The following ATPSCKMT variants were observed in gnomAD, a reference collection of about 807,000 sequenced individuals.
The protein encoded by ATPSCKMT is ATP synthase c subunit lysine N-methyltransferase, also known as ATP synthase subunit C lysine N-methyltransferase.
Under a neutral mutation model 24.3 loss-of-function variants are expected in ATPSCKMT, and 24 were observed. The ratio of observed to expected loss-of-function variants is 0.99; its 90% CI spans 0.71 to 1.39. The LOEUF is 1.39. ATPSCKMT is among the 40% of genes most tolerant of loss of function. The probability of loss-of-function intolerance (pLI) is 0.00; values close to 1 mark genes in which losing one functional copy is unlikely to be tolerated. For synonymous variants in ATPSCKMT, 95 were observed against 110.5 expected, an observed-to-expected ratio of 0.86 and a Z score of 0.88; for missense variants, 311 against 298.4, an observed-to-expected ratio of 1.04 and a Z score of -0.31.
intron 4 of ATPSCKMT, among the ~76,000 whole-genome samples, chr5:10,228,417 G>A (rs921206261): frequency 1.8e-4 from 28 of 152,088 alleles, no homozygotes; most frequent in African/African-American, 4.8e-4. Flanking sequence ...TTATACCACC[G>A]TTGTACCATT....
intron 1 of ATPSCKMT, among the ~76,000 whole-genome samples, chr5:10,240,215 CAG>C: frequency 1.3e-5 from 2 of 148,536 alleles, no homozygotes; most frequent in Middle Eastern, 7.0e-3. Context: ...GCCGGGGTGA[CAG>C]AGCGAGACTC....
rs1743848436 is a variant in ATPSCKMT, at chr5:10,225,688, A to C, written c.*1753T>G. On this transcript the variant is annotated 3_prime_UTR_variant, in exon 5 of 5. Coordinates refer to ENST00000511437, the MANE Select transcript of ATPSCKMT (RefSeq NM_199133.4). Reference sequence around the variant, plus strand: ...AGGAAAGACCTGCCCCCATAATTCAATCACCTCCCACCAGGTCCTTCCCAC... The same window carrying C: ...AGGAAAGACCTGCCCCCATAATTCACTCACCTCCCACCAGGTCCTTCCCAC... Among the ~76,000 whole-genome samples, 1 of 152,114 alleles carries C rather than the reference A, an allele frequency of 6.6e-6. No homozygotes were observed. The highest frequency in any genetic ancestry group is 1.5e-5 in the Non-Finnish European group (1 of 68,014).
At chr5:10,236,356 G>T in intron 3 of ATPSCKMT, 122 bp downstream of exon 3, 2 of 1,209,744 alleles carry the variant, frequency 1.7e-6, no homozygotes, top group Non-Finnish European at 2.3e-6. Context: ...CATTATGCCA[G>T]AATATTCACT....
At chr5:10,244,274 AT>A (rs1478369712) in intron 1 of ATPSCKMT, among the ~76,000 whole-genome samples, 1 of 152,246 alleles carries the variant, frequency 6.6e-6, no homozygotes, top group African/African-American at 2.4e-5. Context: ...ATAGTGGAAA[AT>A]TTGAAATATT....
At position 10,245,886 on chromosome 5, in the gene ATPSCKMT, T is replaced by C. The variant is rs574109940; in HGVS notation, c.16+3972A>G. Among the ~76,000 whole-genome samples the C allele has an allele frequency of 9.2e-5, 14 of 152,306 alleles. No individual in the cohort carries two copies. The South Asian group carries it at 1.2e-3, about 14-fold the overall frequency. On this transcript the variant is annotated intron_variant, in intron 1 of 4. Coordinates refer to ENST00000511437, the MANE Select transcript of ATPSCKMT (RefSeq NM_199133.4). ...ATTGCTATTATTATTCTCAATACTA[T>C]CATATGCAAGGAGGGGCTCAATTTT...
chr5:10,240,945 G>A lies in ATPSCKMT; in HGVS notation c.17-1589C>T, dbSNP rs376822210. 6.8e-5 allele frequency among the ~76,000 whole-genome samples: 10 copies of A among 147,010 alleles called. No individual in the cohort carries two copies. In the East Asian group the frequency reaches 1.0e-3, roughly 15 times the overall value. ...CGGGAGGCAGAGCTTGCAGTGAGCC[G>A]AGATCACACCATTGCATTCCAGCCT... On this transcript the variant is annotated intron_variant, in intron 1 of 4. Coordinates refer to ENST00000511437, the MANE Select transcript of ATPSCKMT (RefSeq NM_199133.4).
Position 10,227,204 on chromosome 5 carries a change from T to G in ATPSCKMT, c.*237A>C. ...CCATGACCATCACTTATTCATCTTT[T>G]CATGCATCCAGGTGCATGGAAAGGC... On this transcript the variant is annotated 3_prime_UTR_variant, in exon 5 of 5. Coordinates refer to ENST00000511437, the MANE Select transcript of ATPSCKMT (RefSeq NM_199133.4). The G allele has an allele frequency of 2.0e-6, 1 of 512,242 alleles. No homozygotes were observed. The highest frequency in any genetic ancestry group is 3.6e-5 in the East Asian group (1 of 27,876). 31.7% of individuals were successfully genotyped at this position (512,242 alleles called of 1,614,324 possible).
intron 2 of ATPSCKMT, among the ~76,000 whole-genome samples, chr5:10,237,631 C>T (rs1220793205): frequency 6.6e-6 from 1 of 152,248 alleles, no homozygotes; most frequent in Non-Finnish European, 1.5e-5. Context: ...CTTTCACCTT[C>T]CACCATGATT....
At chr5:10,242,367 C>T (rs184166789) in intron 1 of ATPSCKMT, among the ~76,000 whole-genome samples, 5 of 152,162 alleles carry the variant, frequency 3.3e-5, no homozygotes, top group African/African-American at 1.2e-4. Flanking sequence ...GTAGTAGATT[C>T]CATCTCAAGA....
Position 10,245,468 on chromosome 5 carries a change from A to G in ATPSCKMT, c.16+4390T>C, listed in dbSNP as rs183790146. ...AAATAAACACAATTCAAAATTGGCC[A>G]GCCACAGTGGCTCATGCATGTAATC... On this transcript the variant is annotated intron_variant, in intron 1 of 4. Transcript: ENST00000511437. Among the ~76,000 whole-genome samples the G allele has an allele frequency of 5.3e-5, 8 of 151,464 alleles. No individual in the cohort carries two copies. The East Asian group carries it at 1.4e-3, about 26-fold the overall frequency.
chr5:10,245,108 AT>A (rs1744841801), intron 1 of ATPSCKMT, among the ~76,000 whole-genome samples: 2 of 152,096 alleles, frequency 1.3e-5, no homozygotes, highest in Admixed American at 6.6e-5. Context: ...CCTCAGTAAA[AT>A]TTGGAAATAA....
intron 4 of ATPSCKMT, among the ~76,000 whole-genome samples, chr5:10,228,481 T>G (rs1347696891): frequency 1.3e-5 from 2 of 152,234 alleles, no homozygotes; most frequent in Admixed American, 6.5e-5. Flanking sequence ...AGTATTGATA[T>G]TTTAATTACA....
intron 1 of ATPSCKMT, among the ~76,000 whole-genome samples, chr5:10,243,809 A>G (rs1485613819): frequency 6.6e-6 from 1 of 152,238 alleles, no homozygotes; most frequent in South Asian, 2.1e-4. Context: ...CATACCAGCA[A>G]TAAAGCTTTT....
chr5:10,242,437 G>A lies in ATPSCKMT; in HGVS notation c.17-3081C>T, dbSNP rs1014409723. Among the ~76,000 whole-genome samples, 3 of 152,226 alleles carry A rather than the reference G, an allele frequency of 2.0e-5. No homozygotes were observed. In the East Asian group the frequency reaches 5.8e-4, roughly 29 times the overall value. On this transcript the variant is annotated intron_variant, in intron 1 of 4. Transcript: ENST00000511437. ...CCTCATCCACTGATATTTTATCATGGGGTTGCAGCAACTCAGTCTCATCTT... is the reference window on the plus strand; with the variant it reads ...CCTCATCCACTGATATTTTATCATGAGGTTGCAGCAACTCAGTCTCATCTT...
chr5:10,227,381 G>GT lies in ATPSCKMT; in HGVS notation c.*59dup. The GT allele has an allele frequency of 1.3e-6, 2 of 1,551,876 alleles. No individual in the cohort carries two copies. The highest frequency in any genetic ancestry group is 1.8e-6 in the Non-Finnish European group (2 of 1,130,158). Reference sequence around the variant, plus strand: ...ATGCTCCTTTGCTAAGGACACAGCTGTAAGTCTCTACAAGATCAGGGAAGA... The same window carrying GT: ...ATGCTCCTTTGCTAAGGACACAGCTGTTAAGTCTCTACAAGATCAGGGAAGA... On this transcript the variant is annotated 3_prime_UTR_variant, in exon 5 of 5. Transcript: ENST00000511437.
intron 3 of ATPSCKMT, among the ~76,000 whole-genome samples, chr5:10,235,500 A>G (rs1744334932): frequency 6.6e-6 from 1 of 152,148 alleles, no homozygotes; most frequent in African/African-American, 2.4e-5. Flanking sequence ...AAGTCATCCC[A>G]TCTCATCCTC....
At chr5:10,235,381 C>T in intron 3 of ATPSCKMT, 120 bp from the exon 4 acceptor site, 1 of 757,016 alleles carries the variant, frequency 1.3e-6, no homozygotes, top group East Asian at 2.7e-5. Flanking sequence ...TTTTGATGAA[C>T]TCCTAAGAAC....
intron 4 of ATPSCKMT, among the ~76,000 whole-genome samples, chr5:10,228,910 G>A (rs908351100): frequency 7.2e-5 from 11 of 152,088 alleles, no homozygotes; most frequent in African/African-American, 2.2e-4. Flanking sequence ...GACTACAGGC[G>A]TGAGCCACTG....
chr5:10,237,936 AG>A (rs1456303976), intron 2 of ATPSCKMT, among the ~76,000 whole-genome samples: 1 of 151,998 alleles, frequency 6.6e-6, no homozygotes, highest in African/African-American at 2.4e-5. Context: ...TAGTAGAGAA[AG>A]GGTTTCACCA....
Sources: allele counts gnomAD v4.1 joint callset (sites outside exome capture counted in the v4.1 genomes callset), GRCh38; gene constraint gnomAD v4.1.1; transcripts MANE v1.5; gene names NCBI Gene and HGNC (gene_info 2026-07-23, HGNC 2026-07-21).